Variants in ZNF7 observed in about 807,000 individuals in gnomAD.
ZNF7 encodes the protein C2-H2 type zinc finger protein.
A neutral mutation model predicts 12.0 loss-of-function variants in ZNF7; 10 were observed. That is an observed-to-expected ratio of 0.83 (90% CI 0.51 to 1.42). ZNF7 has a LOEUF of 1.42. Ranked by LOEUF, ZNF7 falls within the 40% of genes most tolerant of loss-of-function variation. ZNF7 has a pLI of 0.00. For synonymous variants in ZNF7, 334 were observed against 295.0 expected, an observed-to-expected ratio of 1.13 and a Z score of -1.35; for missense variants, 854 against 837.2, an observed-to-expected ratio of 1.02 and a Z score of -0.25.
rs746055367 is a variant in ZNF7, at chr8:144,829,595, G to C, written c.121G>C (p.Ala41Pro). The C allele has an allele frequency of 6.2e-7, 1 of 1,610,936 alleles. No homozygotes were observed. The highest frequency in any genetic ancestry group is 8.5e-7 in the Non-Finnish European group (1 of 1,177,664). Residue 41 changes from alanine to proline, a missense_variant, in exon 3 of 5, where the codon GCT (alanine) becomes CCT (proline). Coordinates refer to ENST00000532777, the MANE Select transcript of ZNF7 (RefSeq NM_003416.4). ...EVMLENHSSV[A>P]GLAGFLVFKP... ...GATGCTGGAGAACCACAGCAGTGTG[G>C]CTGGACTAGGTGAGGCTGCACCTTG...
chr8:144,829,354 A>G (rs1050481396), intron 2 of ZNF7, 124 bp from the exon 3 acceptor site: 4 of 1,555,426 alleles, frequency 2.6e-6, no homozygotes, highest in Admixed American at 3.6e-5. Flanking sequence ...TATTAGAGGC[A>G]GAGGAGTCCT....
At chr8:144,829,765 T>G (rs1828217054) in intron 3 of ZNF7, 161 bp downstream of exon 3, 1 of 931,680 alleles carries the variant, frequency 1.1e-6, no homozygotes, top group Non-Finnish European at 1.5e-6. Context: ...GGTTCCTAGC[T>G]TTGCCCATGT....
downstream of ZNF7, among the ~76,000 whole-genome samples, chr8:144,845,353 G>A (rs1392965971): frequency 6.6e-6 from 1 of 151,910 alleles, no homozygotes; most frequent in African/African-American, 2.4e-5. Flanking sequence ...AGCCTGCTCT[G>A]TTGGGAGCTG....
chr8:144,844,727 A>AAC (rs1563850660), downstream of ZNF7, among the ~76,000 whole-genome samples: 4 of 114,844 alleles, frequency 3.5e-5, no homozygotes, highest in African/African-American at 1.3e-4. Context: ...AAAAAAAAAA[A>AAC]AAAAAAAAAC....
chr8:144,827,678 C>T, intron 1 of ZNF7, 69 bp downstream of exon 1: 2 of 985,194 alleles, frequency 2.0e-6, no homozygotes, highest in Non-Finnish European at 2.4e-6. Context: ...GCTTCCTTAG[C>T]CCTCCCGCCT....
chr8:144,840,373 G>A (rs1829723709), intron 4 of ZNF7, among the ~76,000 whole-genome samples: 1 of 152,240 alleles, frequency 6.6e-6, no homozygotes, highest in Non-Finnish European at 1.5e-5. Flanking sequence ...TTAGGAGTGG[G>A]CAGGAACCGA....
At position 144,827,566 on chromosome 8, in the gene ZNF7, G is replaced by A. The variant is rs1038687811; in HGVS notation, c.-89G>A. The stretch of plus-strand genomic sequence containing the variant: ...ACGCGGGTGGCCAAGGCCCGTTTCC[G>A]GCGGCGTCGCGCGTTTGCGAGCCTC... On this transcript the variant is annotated 5_prime_UTR_variant, in exon 1 of 5. Transcript: ENST00000532777. The A allele has an allele frequency of 2.0e-6, 2 of 985,798 alleles. No individual in the cohort carries two copies. Among genetic ancestry groups the A allele is most frequent in the Non-Finnish European group, 2.4e-6 (2 of 830,244 alleles). The allele number at this position is 985,798 out of a possible 1,614,324, so 61.1% of individuals were successfully genotyped here.
chr8:144,842,334 A>G lies in ZNF7; in HGVS notation c.1227A>G (p.Val409=), dbSNP rs778958401. 45 of 1,614,052 alleles carry G rather than the reference A, an allele frequency of 2.8e-5. No individual in the cohort carries two copies. Among genetic ancestry groups the G allele is most frequent in the Non-Finnish European group, 3.7e-5 (44 of 1,180,048 alleles). Reference sequence around the variant, plus strand: ...TTGCACATCAGAGAATTCACGCTGTAGAGAAACCATTTAAGTGTGATGAGT... The same window carrying G: ...TTGCACATCAGAGAATTCACGCTGTGGAGAAACCATTTAAGTGTGATGAGT... The part of the protein sequence containing the change: ...SLVAHQRIHA[V]EKPFKCDECG... The change falls in exon 5 of 5, where the codon GTA becomes GTG. Residue 409 remains valine (V), a synonymous_variant. Transcript: ENST00000532777.
At chr8:144,828,826 G>C in intron 1 of ZNF7, 1 of 609,428 alleles carries the variant, frequency 1.6e-6, no homozygotes, top group South Asian at 2.0e-5. Flanking sequence ...TGTGGAGTGA[G>C]TCACACATGC....
At chr8:144,830,728 C>CTTTTTTTTTTTTTTT (rs756859185) in intron 3 of ZNF7, among the ~76,000 whole-genome samples, 2 of 139,034 alleles carry the variant, frequency 1.4e-5, no homozygotes, top group Admixed American at 7.2e-5. Context: ...AGTGAGGGTC[C>CTTTTTTTTTTTTTTT]TTTTTTTTTT....
chr8:144,831,307 T>C (rs1238549057), intron 3 of ZNF7, among the ~76,000 whole-genome samples: 1 of 152,084 alleles, frequency 6.6e-6, no homozygotes, highest in African/African-American at 2.4e-5. Flanking sequence ...TTGAAGACAG[T>C]GTAGAGAGCA....
chr8:144,830,486 AG>A (rs780349887), intron 3 of ZNF7, among the ~76,000 whole-genome samples: 4 of 152,110 alleles, frequency 2.6e-5, no homozygotes, highest in Non-Finnish European at 4.4e-5. Flanking sequence ...CCCATATTCT[AG>A]GTCCGCTGTG....
chr8:144,840,023 C>T lies in ZNF7; in HGVS notation c.248-1332C>T, dbSNP rs565867650. 1.4e-4 allele frequency among the ~76,000 whole-genome samples: 21 copies of T among 152,366 alleles called. 1 individual carries two copies. Among genetic ancestry groups the T allele is most frequent in the African/African-American group, 4.3e-4 (18 of 41,582 alleles). ...GATCTTGGCTCACTGCAACCTCTGC[C>T]TGCCAGGTTCAAGTGATTCTTGTGC... On this transcript the variant is annotated intron_variant, in intron 4 of 4. Coordinates refer to ENST00000532777, the MANE Select transcript of ZNF7 (RefSeq NM_003416.4).
Position 144,837,448 on chromosome 8 carries a change from C to T in ZNF7, c.188C>T (p.Pro63Leu), listed in dbSNP as rs1267835448. 1 of 1,613,262 alleles carries T rather than the reference C, an allele frequency of 6.2e-7. No individual in the cohort carries two copies. The highest frequency in any genetic ancestry group is 1.1e-5 in the South Asian group (1 of 91,050). ...TCTCGGCTGGAGCAGGGAGAAGAGC[C>T]ATGGGTCCTCGACCTGCAGGGAGCA... Reference protein sequence around the residue: ...LISRLEQGEEPWVLDLQGAEG... With the variant: ...LISRLEQGEELWVLDLQGAEG... Residue 63 changes from proline (P) to leucine (L), a missense_variant, in exon 4 of 5, where the codon CCA (proline) becomes CTA (leucine). Physicochemically the swap from Pro to Leu is moderately conservative, Grantham distance 98 (BLOSUM62 -3). Coordinates refer to ENST00000532777, the MANE Select transcript of ZNF7 (RefSeq NM_003416.4).
At chr8:144,831,655 T>C (rs62531522) in intron 3 of ZNF7, among the ~76,000 whole-genome samples, 29,321 of 81,726 alleles carry the variant, frequency 0.36, 7,657 homozygotes, top group Non-Finnish European at 0.5. Flanking sequence ...TGGTGGCGCA[T>C]GCCTGTAATC....
In ZNF7 at chr8:144,842,124, T is replaced by TG; in HGVS notation, c.1020dup (p.Lys341GlufsTer11). ...AGAGGCCCTATGGTTGTCGTGAGTG[T>TG]GGGAAAGCCTTCAGCCAGCAGTCGC... On this transcript the variant is annotated frameshift_variant, in exon 5 of 5. Coordinates refer to ENST00000532777, the MANE Select transcript of ZNF7 (RefSeq NM_003416.4). LOFTEE classifies it low-confidence loss of function (END_TRUNC). 12 of 1,614,116 alleles carry TG rather than the reference T, an allele frequency of 7.4e-6. No homozygotes were observed. The highest frequency in any genetic ancestry group is 9.3e-6 in the Non-Finnish European group (11 of 1,179,998).
Position 144,843,037 on chromosome 8 carries a change from A to G in ZNF7, c.1930A>G (p.Arg644Gly). 1 of 1,614,206 alleles carries G rather than the reference A, an allele frequency of 6.2e-7. No homozygotes were observed. Among genetic ancestry groups the G allele is most frequent in the Non-Finnish European group, 8.5e-7 (1 of 1,180,042 alleles). Residue 644 changes from arginine to glycine, a missense_variant, in exon 5 of 5, where the codon AGG (arginine) becomes GGG (glycine). Coordinates refer to ENST00000532777, the MANE Select transcript of ZNF7 (RefSeq NM_003416.4). ...HQCEDCEKIF[R>G]WRSHLIIHQR... Reference sequence around the variant, plus strand: ...GTGTGAAGACTGTGAGAAGATATTTAGGTGGCGTTCACACCTAATTATACA... The same window carrying G: ...GTGTGAAGACTGTGAGAAGATATTTGGGTGGCGTTCACACCTAATTATACA...
At chr8:144,837,582 A>G (rs1047794364) in intron 4 of ZNF7, 75 bp downstream of exon 4, 2 of 1,184,100 alleles carry the variant, frequency 1.7e-6, no homozygotes, top group East Asian at 2.4e-5. Context: ...AACTGTGGGT[A>G]GCTGTGGGTG....
At chr8:144,837,336 GTGCTGCACACTTCCCGTCA>G in intron 3 of ZNF7, 36 bp from the exon 4 acceptor site, 1 of 1,486,542 alleles carries the variant, frequency 6.7e-7, no homozygotes, top group Non-Finnish European at 9.3e-7. Flanking sequence ...ACTTAGCCCT[GTGCTGCACACTTCCCGTCA>G]TGCTGACACT....
Sources: gnomAD v4.1 joint callset for allele counts (sites outside exome capture counted in the v4.1 genomes callset) on GRCh38, gnomAD v4.1.1 for gene constraint, MANE v1.5 for transcripts, NCBI Gene and HGNC (gene_info 2026-07-23, HGNC 2026-07-21) for gene names.